LRP1: variants seen among roughly 807,000 people sequenced by gnomAD.
The protein encoded by LRP1 is LDL receptor related protein 1, also known as prolow-density lipoprotein receptor-related protein 1.
In LRP1, 51 loss-of-function variants were observed where a neutral mutation model predicts 541.5. The observed-to-expected ratio is 0.09, with a 90% confidence interval of 0.08 to 0.12. The LOEUF (loss-of-function observed/expected upper bound fraction) is 0.12. LRP1 is among the 10% of genes least tolerant of loss of function. LRP1 has a pLI of 1.00. For synonymous variants in LRP1, 2,219 were observed against 2,470.8 expected (o/e 0.90, Z 3.02); for missense variants, 3,878 against 6,376.2 (o/e 0.61, Z 13.34).
intron 42 of LRP1, among the ~76,000 whole-genome samples, chr12:57,187,954 G>A (rs1169811639): frequency 6.6e-6 from 1 of 152,224 alleles, no homozygotes; most frequent in Non-Finnish European, 1.5e-5. Context: ...CCAGAGCCTG[G>A]AACTGGAAAA....
intron 51 of LRP1, 52 bp from the exon 52 acceptor site, chr12:57,195,219 G>A (rs2036503875): frequency 6.2e-7 from 1 of 1,604,908 alleles, no homozygotes; most frequent in Non-Finnish European, 8.5e-7. Flanking sequence ...TCCACTGCTA[G>A]ACCTGATCTA....
At position 57,202,454 on chromosome 12, in the gene LRP1, G is replaced by A; in HGVS notation, c.10628G>A (p.Cys3543Tyr). 6.2e-7 allele frequency: 1 copy of A among 1,613,612 alleles called. No homozygotes were observed. Among genetic ancestry groups the A allele is most frequent in the Non-Finnish European group, 8.5e-7 (1 of 1,180,002 alleles). Residue 3543 changes from cysteine to tyrosine, a missense_variant, in exon 68 of 89, where the codon TGC (cysteine) becomes TAC (tyrosine). Coordinates refer to ENST00000243077, the MANE Select transcript of LRP1 (RefSeq NM_002332.3). ...ACCTGTGAGCCATACCAGTTCCGCT[G>A]CAAGAACAACCGCTGCGTGCCCGGC... Reference protein sequence around the residue: ...ERTCEPYQFRCKNNRCVPGRW... With the variant: ...ERTCEPYQFRYKNNRCVPGRW...
rs776173327 is a variant in LRP1, at chr12:57,185,076, C to T, written c.6339-5C>T. 1.2e-6 allele frequency: 2 copies of T among 1,614,156 alleles called. No homozygotes were observed. Among genetic ancestry groups the T allele is most frequent in the South Asian group, 2.2e-5 (2 of 91,070 alleles). ...TGCCCTGCTTGTGCCCTGTCCTTCC[C>T]TCAGGACTCATGCCAACGGCTCTAT... is the stretch of plus-strand genomic sequence containing the variant. On this transcript the variant is annotated splice_region_variant and splice_polypyrimidine_tract_variant and intron_variant, in intron 39 of 88. Coordinates refer to ENST00000243077, the MANE Select transcript of LRP1 (RefSeq NM_002332.3). This position sits in a 1 kb window ranked among gnomAD's most constrained non-coding sequence, Gnocchi z 4.9.
chr12:57,203,817 C>A, intron 70 of LRP1: 1 of 403,606 alleles, frequency 2.5e-6, no homozygotes, highest in Non-Finnish European at 4.4e-6. Flanking sequence ...CATCTAGGCC[C>A]CACCCCACAA....
At position 57,166,971 on chromosome 12, in the gene LRP1, C is replaced by T. The variant is rs1482035460; in HGVS notation, c.2839C>T (p.Arg947Cys). ...CAACCAGTTCTCCTGTGCCAGTGGC[C>T]GCTGCATCCCCATCTCCTGGACGTG... ...PPNQFSCASGRCIPISWTCDL... is the reference protein window; with the variant it reads ...PPNQFSCASGCCIPISWTCDL... Residue 947 changes from arginine (R) to cysteine (C), a missense_variant, in exon 18 of 89, where the codon CGC becomes TGC. By Grantham distance (180) the Arg-to-Cys change is radical. Coordinates refer to ENST00000243077, the MANE Select transcript of LRP1 (RefSeq NM_002332.3). The T allele has an allele frequency of 6.2e-7, 1 of 1,614,042 alleles. No homozygotes were observed. Among genetic ancestry groups the T allele is most frequent in the Non-Finnish European group, 8.5e-7 (1 of 1,180,022 alleles).
At chr12:57,130,653 G>C (rs1437089079) in intron 1 of LRP1, among the ~76,000 whole-genome samples, 4 of 152,122 alleles carry the variant, frequency 2.6e-5, no homozygotes, top group Non-Finnish European at 5.9e-5. Flanking sequence ...CCCATCAGGA[G>C]CCCCTTGAAG....
chr12:57,212,418 A>G lies in LRP1; in HGVS notation c.13498A>G (p.Thr4500Ala). The part of the protein sequence containing the change: ...ADFALDPDKP[T>A]NFTNPVYATL... Reference sequence around the variant, plus strand: ...TGAACCCTCTGTCACCCTGCAGCCCACCAACTTCACCAACCCCGTGTATGC... The same window carrying G: ...TGAACCCTCTGTCACCCTGCAGCCCGCCAACTTCACCAACCCCGTGTATGC... The change falls in exon 89 of 89, where the codon ACC becomes GCC. Residue 4500 changes from threonine to alanine, a missense_variant. By Grantham distance (58) the Thr-to-Ala change is moderately conservative. This residue lies in a region of LRP1 where 871 missense variants were observed against 1,212.4 expected (regional missense o/e 0.72). Transcript: ENST00000243077. This position sits in a 1 kb window ranked among gnomAD's most constrained non-coding sequence, Gnocchi z 5.0. The G allele has an allele frequency of 6.2e-7, 1 of 1,614,040 alleles. No homozygotes were observed. Among genetic ancestry groups the G allele is most frequent in the Non-Finnish European group, 8.5e-7 (1 of 1,179,998 alleles).
At position 57,173,679 on chromosome 12, in the gene LRP1, G is replaced by A; in HGVS notation, c.3347-101G>A. On this transcript the variant is annotated intron_variant, in intron 21 of 88. Coordinates refer to ENST00000243077, the MANE Select transcript of LRP1 (RefSeq NM_002332.3). This position sits in a 1 kb window ranked among gnomAD's most constrained non-coding sequence, Gnocchi z 4.7. ...GGTTCCTCGTGGACCCCACAGCGTTGCAATCCTGACCCTATTAGAGAAGCC... is the reference window on the plus strand; with the variant it reads ...GGTTCCTCGTGGACCCCACAGCGTTACAATCCTGACCCTATTAGAGAAGCC... 1 of 1,274,844 alleles carries A rather than the reference G, an allele frequency of 7.8e-7. No homozygotes were observed. 79.0% of individuals were successfully genotyped at this position (1,274,844 alleles called of 1,614,324 possible).
chr12:57,141,608 C>A (rs2035294158), intron 3 of LRP1, 97 bp downstream of exon 3: 5 of 1,440,960 alleles, frequency 3.5e-6, no homozygotes, highest in South Asian at 1.2e-5. Context: ...GGGGATGAGG[C>A]CTTGTCCTGG....
chr12:57,176,162 G>C, intron 24 of LRP1, 56 bp downstream of exon 24: 1 of 1,572,632 alleles, frequency 6.4e-7, no homozygotes, highest in Non-Finnish European at 8.7e-7. Context: ...TCAGGCGCTA[G>C]GGGCCACAGG....
rs538716209 is a variant in LRP1 at position 57,135,504 on chromosome 12, C to CT, written c.68-2952dup. 3.2e-4 allele frequency among the ~76,000 whole-genome samples: 48 copies of CT among 152,314 alleles called. No homozygotes were observed. In the East Asian group the frequency reaches 7.9e-3, roughly 25 times the overall value. On this transcript the variant is annotated intron_variant, in intron 1 of 88. Transcript: ENST00000243077. ...CTGTCCCAAAGTAGTTTATTTGTTT[C>CT]TTTCTTCCCTCTCCCCCTGAAGGAA...
intron 12 of LRP1, among the ~76,000 whole-genome samples, chr12:57,160,235 GCTC>G (rs2035700290): frequency 6.6e-6 from 1 of 152,116 alleles, no homozygotes; most frequent in Non-Finnish European, 1.5e-5. Flanking sequence ...CCTTCCACCA[GCTC>G]CCCTTACCCT....
chr12:57,193,346 GC>G, intron 46 of LRP1, 42 bp downstream of exon 46: 1 of 1,602,298 alleles, frequency 6.2e-7, no homozygotes, highest in South Asian at 1.1e-5. Flanking sequence ...CAGGCCCAGA[GC>G]CCAGGTCCTC....
rs1369027790 is a variant in LRP1, at chr12:57,185,948, G to A, written c.6841+40G>A. On this transcript the variant is annotated intron_variant, in intron 41 of 88. Coordinates refer to ENST00000243077, the MANE Select transcript of LRP1 (RefSeq NM_002332.3). The surrounding 1 kb of genome is among the most constrained non-coding windows in gnomAD (Gnocchi z 4.9). ...TAAGTCTTCCCAGGAAGTGGGACATGGGGCGGGGAGCAGCACAGACTCTTA... is the reference window on the plus strand; with the variant it reads ...TAAGTCTTCCCAGGAAGTGGGACATAGGGCGGGGAGCAGCACAGACTCTTA... 2.5e-6 allele frequency: 4 copies of A among 1,583,254 alleles called. No individual in the cohort carries two copies. The African/African-American group carries it at 4.0e-5, about 16-fold the overall frequency.
At chr12:57,141,662 T>C (rs1428441210) in intron 3 of LRP1, 151 bp downstream of exon 3, 1 of 1,086,814 alleles carries the variant, frequency 9.2e-7, no homozygotes, top group Non-Finnish European at 1.3e-6. Flanking sequence ...GAAATTGATG[T>C]GCCCCTTGGG....
chr12:57,197,325 A>G lies in LRP1; in HGVS notation c.9103A>G (p.Asn3035Asp), dbSNP rs2036557188. 6.2e-7 allele frequency: 1 copy of G among 1,614,046 alleles called. No homozygotes were observed. Among genetic ancestry groups the G allele is most frequent in the Non-Finnish European group, 8.5e-7 (1 of 1,180,026 alleles). Residue 3035 changes from asparagine (N) to aspartate (D), a missense_variant, in exon 57 of 89, where the codon AAC becomes GAC. By Grantham distance (23) the Asn-to-Asp change is conservative (BLOSUM62 1). Coordinates refer to ENST00000243077, the MANE Select transcript of LRP1 (RefSeq NM_002332.3). The surrounding 1 kb of genome is among the most constrained non-coding windows in gnomAD (Gnocchi z 4.5). The stretch of plus-strand genomic sequence containing the variant: ...CGAGGAACCGTTTCTGATCTTCGCC[A>G]ACCGGTACTACCTGCGCAAGCTCAA... ...TDEEPFLIFA[N>D]RYYLRKLNLD... is the part of the protein sequence containing the mutation.
Position 57,156,978 on chromosome 12 carries a change from G to A in LRP1, c.1561+58G>A. On this transcript the variant is annotated intron_variant, in intron 10 of 88. Coordinates refer to ENST00000243077, the MANE Select transcript of LRP1 (RefSeq NM_002332.3). The surrounding 1 kb of genome is among the most constrained non-coding windows in gnomAD (Gnocchi z 5.2). ...GGGAGGCTGCGGGAGGGTTCCTCAG[G>A]TGTCCCCCACAGCCCGGCTGCCTCT... The A allele has an allele frequency of 6.7e-7, 1 of 1,496,066 alleles. No homozygotes were observed. Among genetic ancestry groups the A allele is most frequent in the Admixed American group, 1.9e-5 (1 of 54,010 alleles). The allele number at this position is 1,496,066 out of a possible 1,614,324, so 92.7% of individuals were successfully genotyped here. A position where few individuals can be genotyped will look rare whatever the true frequency, so the allele number is the denominator to read the frequency against.
chr12:57,211,389 C>CCCCTGCCCTGTCCTAG lies in LRP1; in HGVS notation c.13091+50_13091+65dup. 1.9e-6 allele frequency: 3 copies of CCCCTGCCCTGTCCTAG among 1,610,574 alleles called. No individual in the cohort carries two copies. Among genetic ancestry groups the CCCCTGCCCTGTCCTAG allele is most frequent in the Non-Finnish European group, 1.7e-6 (2 of 1,178,724 alleles). ...TCCTCCACAGTTCCACCCAGCTGGGCCCCTGCCCTGTCCTAGCCCTGCCCT... is the reference window on the plus strand; with the variant it reads ...TCCTCCACAGTTCCACCCAGCTGGGCCCCTGCCCTGTCCTAGCCCTGCCCTGTCCTAGCCCTGCCCT... On this transcript the variant is annotated intron_variant, in intron 84 of 88. Coordinates refer to ENST00000243077, the MANE Select transcript of LRP1 (RefSeq NM_002332.3). The surrounding 1 kb of genome is among the most constrained non-coding windows in gnomAD (Gnocchi z 4.3).
In LRP1 at chr12:57,210,379, C is replaced by A. The variant is rs1334741697; in HGVS notation, c.12653C>A (p.Pro4218His). The A allele has an allele frequency of 6.2e-7, 1 of 1,606,310 alleles. No homozygotes were observed. The highest frequency in any genetic ancestry group is 1.1e-5 in the South Asian group (1 of 89,980). ...TGTTTCCTCAATGCACGGAGGCAGCCCAAGTGCCGCTGCCAACCCCGCTAC... is the reference window on the plus strand; with the variant it reads ...TGTTTCCTCAATGCACGGAGGCAGCACAAGTGCCGCTGCCAACCCCGCTAC... ...GSCFLNARRQ[P>H]KCRCQPRYTG... The change falls in exon 82 of 89, where the codon CCC becomes CAC. Residue 4218 changes from proline (P) to histidine (H), a missense_variant. This residue lies in a region of LRP1 where 871 missense variants were observed against 1,212.4 expected (regional missense o/e 0.72). Transcript: ENST00000243077.
Sources: gnomAD v4.1 joint callset for allele counts (sites outside exome capture counted in the v4.1 genomes callset) on GRCh38, gnomAD v4.1.1 for gene constraint, gnomAD v4.1.1 regional missense constraint, Gnocchi (gnomAD v3.1) non-coding constraint, MANE v1.5 for transcripts, NCBI Gene and HGNC (gene_info 2026-07-23, HGNC 2026-07-21) for gene names.